Variants in SYNPR observed in about 807,000 individuals in gnomAD.
SYNPR encodes synaptoporin.
Under a neutral mutation model 32.9 loss-of-function variants are expected in SYNPR, and 23 were observed. The observed-to-expected ratio is 0.70, with a 90% CI of 0.50 to 0.99. The LOEUF is 0.99. Among genes scored for constraint, SYNPR ranks in the 50% least tolerant of loss-of-function variants. SYNPR has a pLI of 0.00. For synonymous variants in SYNPR, 146 were observed against 135.9 expected, an observed-to-expected ratio of 1.07 and a Z score of -0.52; for missense variants, 318 against 349.3, an observed-to-expected ratio of 0.91 and a Z score of 0.71.
chr3:63,326,731 C>T (rs1044411703), intron 2 of SYNPR, among the ~76,000 whole-genome samples: 1 of 151,970 alleles, frequency 6.6e-6, no homozygotes, highest in Non-Finnish European at 1.5e-5. Context: ...AATAGCAGCA[C>T]CAAGAAAGGG....
chr3:63,401,971 G>C (rs144213867), intron 2 of SYNPR, among the ~76,000 whole-genome samples: 141 of 152,234 alleles, frequency 9.3e-4, no homozygotes, highest in African/African-American at 3.0e-3. Flanking sequence ...AGAGAACAAA[G>C]TCTTCTCCAG....
chr3:63,231,692 A>AT lies in SYNPR; in HGVS notation n.66+3319dup, dbSNP rs910108673. ...GTCAGCATCCTTCTAAGAAAAGGCC[A>AT]TTTTTTTAAATTTTAGCAGCACTCG... On this transcript the variant is annotated intron_variant and non_coding_transcript_variant, in intron 1 of 4. Transcript: ENST00000478456. Among the ~76,000 whole-genome samples, 12 of 152,248 alleles carry AT rather than the reference A, an allele frequency of 7.9e-5. 1 individual carries two copies. Among genetic ancestry groups the AT allele is most frequent in the South Asian group, 4.1e-4 (2 of 4,824 alleles).
chr3:63,474,352 G>A (rs1186684882), intron 2 of SYNPR, among the ~76,000 whole-genome samples: 1 of 152,194 alleles, frequency 6.6e-6, no homozygotes, highest in Admixed American at 6.5e-5. Flanking sequence ...TGGTGTGTAT[G>A]AGGACTGACC....
intron 4 of SYNPR, among the ~76,000 whole-genome samples, chr3:63,592,112 G>T (rs780270858): frequency 6.6e-6 from 1 of 151,950 alleles, no homozygotes; most frequent in Non-Finnish European, 1.5e-5. Flanking sequence ...CACACAGAAG[G>T]TGACGTGAAG....
the SYNPR span, among the ~76,000 whole-genome samples, chr3:63,220,828 C>T: frequency 6.6e-6 from 1 of 152,198 alleles, no homozygotes; most frequent in Non-Finnish European, 1.5e-5. Context: ...GCCTTTTCCC[C>T]TTGTTCTCCA....
At chr3:63,332,077 A>G (rs1470740542) in intron 2 of SYNPR, among the ~76,000 whole-genome samples, 2 of 152,222 alleles carry the variant, frequency 1.3e-5, no homozygotes, top group Non-Finnish European at 2.9e-5. Context: ...CATGCTGAGC[A>G]TATAGATCTG....
chr3:63,375,945 G>T (rs538040859), intron 2 of SYNPR, among the ~76,000 whole-genome samples: 14 of 152,210 alleles, frequency 9.2e-5, no homozygotes, highest in African/African-American at 3.4e-4. Flanking sequence ...CTTAAAACCT[G>T]CTTCTCCTCC....
upstream of SYNPR, among the ~76,000 whole-genome samples, chr3:63,226,699 A>T (rs62251282): frequency 6.6e-6 from 1 of 152,112 alleles, no homozygotes; most frequent in Non-Finnish European, 1.5e-5. Flanking sequence ...AGAGTTGGGG[A>T]ATGCTGGGAG....
rs2086457248 is a variant in SYNPR, at chr3:63,263,589, T to C, written n.155-3728T>C. On this transcript the variant is annotated intron_variant and non_coding_transcript_variant, in intron 2 of 4. Coordinates refer to the SYNPR transcript ENST00000478456. Reference sequence around the variant, plus strand: ...CCACATGGTGTCAGTTGGGGCAGCTTTACCAAGGATAGAGGATCCATTTCC... The same window carrying C: ...CCACATGGTGTCAGTTGGGGCAGCTCTACCAAGGATAGAGGATCCATTTCC... 2.0e-5 allele frequency among the ~76,000 whole-genome samples: 3 copies of C among 152,276 alleles called. No individual in the cohort carries two copies. In the South Asian group the frequency reaches 6.2e-4, roughly 32 times the overall value.
At chr3:63,330,862 T>A (rs1307546692) in intron 2 of SYNPR, among the ~76,000 whole-genome samples, 1 of 152,094 alleles carries the variant, frequency 6.6e-6, no homozygotes, top group South Asian at 2.1e-4. Flanking sequence ...CTCTTGATGA[T>A]CCACCTCATT....
intron 2 of SYNPR, among the ~76,000 whole-genome samples, chr3:63,258,492 A>G (rs1029726006): frequency 6.6e-6 from 1 of 152,246 alleles, no homozygotes; most frequent in Non-Finnish European, 1.5e-5. Flanking sequence ...ACCGAAATGA[A>G]GGCAGAAATA....
chr3:63,412,564 G>C (rs185946446), intron 2 of SYNPR, among the ~76,000 whole-genome samples: 1 of 152,050 alleles, frequency 6.6e-6, no homozygotes, highest in South Asian at 2.1e-4. Flanking sequence ...TGTGTAGAAG[G>C]TTCTTTTAAA....
intron 3 of SYNPR, among the ~76,000 whole-genome samples, chr3:63,528,883 G>A (rs17398296): frequency 1.3e-5 from 2 of 152,186 alleles, no homozygotes; most frequent in Admixed American, 6.5e-5. Context: ...ATGACTAGAG[G>A]TATCAATCAT....
At chr3:63,243,081 A>G (rs769324147) in intron 1 of SYNPR, among the ~76,000 whole-genome samples, 1 of 152,098 alleles carries the variant, frequency 6.6e-6, no homozygotes, top group Non-Finnish European at 1.5e-5. Context: ...ATAGGAAGAC[A>G]GCATCTAATA....
At chr3:63,537,025 G>A (rs1007691838) in intron 3 of SYNPR, among the ~76,000 whole-genome samples, 2 of 151,894 alleles carry the variant, frequency 1.3e-5, no homozygotes, top group African/African-American at 4.8e-5. Context: ...ATAGTATGTA[G>A]GTTACTCTGT....
chr3:63,349,828 G>C (rs1250613712), intron 2 of SYNPR, among the ~76,000 whole-genome samples: 1 of 152,182 alleles, frequency 6.6e-6, no homozygotes, highest in Non-Finnish European at 1.5e-5. Flanking sequence ...CTGAGTACCA[G>C]ACTGCCGTTT....
At chr3:63,259,325 T>G (rs2086416995) in intron 2 of SYNPR, among the ~76,000 whole-genome samples, 1 of 152,170 alleles carries the variant, frequency 6.6e-6, no homozygotes, top group South Asian at 2.1e-4. Context: ...AAATCCTCAA[T>G]AAAATACTGA....
At chr3:63,431,838 T>G (rs1700002490) in intron 2 of SYNPR, among the ~76,000 whole-genome samples, 1 of 149,620 alleles carries the variant, frequency 6.7e-6, no homozygotes, top group Non-Finnish European at 1.5e-5. Flanking sequence ...CCCTTTTCTT[T>G]TTTTTTTTTT....
chr3:63,487,489 A>G lies in SYNPR; in HGVS notation c.209+6533A>G, dbSNP rs1055255544. ...CATTATCAAGTAAGGGCAATTAAAA[A>G]TCAACTAGAGTGCTAGAAAAGATAT... On this transcript the variant is annotated intron_variant, in intron 3 of 5. Coordinates refer to ENST00000478300, the MANE Select transcript of SYNPR (RefSeq NM_001130003.2). 5.3e-5 allele frequency among the ~76,000 whole-genome samples: 8 copies of G among 152,346 alleles called. No individual in the cohort carries two copies. In the South Asian group the frequency reaches 8.3e-4, roughly 16 times the overall value.
Sources: allele counts gnomAD v4.1 joint callset (sites outside exome capture counted in the v4.1 genomes callset), GRCh38; gene constraint gnomAD v4.1.1; transcripts MANE v1.5; gene names NCBI Gene and HGNC (gene_info 2026-07-23, HGNC 2026-07-21).